Variants in RPN2 observed in about 807,000 individuals in gnomAD.
RPN2 encodes dolichyl-diphosphooligosaccharide--protein glycosyltransferase subunit 2.
A neutral mutation model predicts 71.4 loss-of-function variants in RPN2; 29 were observed. The observed-to-expected ratio is 0.41, with a 90% confidence interval of 0.30 to 0.55. The LOEUF (loss-of-function observed/expected upper bound fraction) is 0.55, where lower values mean the gene tolerates loss of function less well. Among genes scored for constraint, RPN2 ranks in the 20% least tolerant of loss-of-function variants. RPN2 has a pLI of 0.35. For missense variants in RPN2, 726 were observed against 774.1 expected, an observed-to-expected ratio of 0.94 and a Z score of 0.74; for synonymous variants, 308 against 305.0, an observed-to-expected ratio of 1.01 and a Z score of -0.10.
At chr20:37,190,721 A>G (rs1048654145) in intron 2 of RPN2, among the ~76,000 whole-genome samples, 22 of 152,342 alleles carry the variant, frequency 1.4e-4, no homozygotes, top group African/African-American at 5.1e-4. Flanking sequence ...CTTTAGCTCA[A>G]TCAAAATGGG....
intron 5 of RPN2, among the ~76,000 whole-genome samples, chr20:37,204,265 A>T (rs1219736965): frequency 6.6e-6 from 1 of 152,194 alleles, no homozygotes; most frequent in Non-Finnish European, 1.5e-5. Context: ...AGCAGTCCTG[A>T]TGGTGTTCTC....
intron 1 of RPN2, 53 bp from the exon 2 acceptor site, chr20:37,184,127 G>A (rs1375501366): frequency 6.2e-7 from 1 of 1,601,456 alleles, no homozygotes; most frequent in African/African-American, 1.3e-5. Flanking sequence ...TTGGGACTGT[G>A]TATAGCACCT....
rs1009177722 is a variant in RPN2 at position 37,239,676 on chromosome 20, T to A, written c.1884-1627T>A. Among the ~76,000 whole-genome samples, 27 of 152,282 alleles carry A rather than the reference T, an allele frequency of 1.8e-4. 1 individual carries two copies. In the East Asian group the frequency reaches 5.2e-3, roughly 29 times the overall value. On this transcript the variant is annotated intron_variant, in intron 16 of 16. Coordinates refer to ENST00000237530, the MANE Select transcript of RPN2 (RefSeq NM_002951.5). ...CCTTTTTAGTGTACAATTCTGTGAATCCTGAAAAACCTCTGTAGTCATGTA... is the reference window on the plus strand; with the variant it reads ...CCTTTTTAGTGTACAATTCTGTGAAACCTGAAAAACCTCTGTAGTCATGTA...
chr20:37,191,658 C>CTT (rs780662238), intron 2 of RPN2, among the ~76,000 whole-genome samples: 3,166 of 144,766 alleles, frequency 0.022, 50 homozygotes, highest in Middle Eastern at 0.035. Context: ...GTCCCAGCTA[C>CTT]TTTTTTTTTT....
chr20:37,195,977 T>C (rs962173480), intron 2 of RPN2, among the ~76,000 whole-genome samples: 6 of 152,116 alleles, frequency 3.9e-5, no homozygotes, highest in Admixed American at 6.5e-5. Flanking sequence ...CAGTAAAACA[T>C]TGGACAATAC....
At chr20:37,199,338 C>A in intron 4 of RPN2, 113 bp downstream of exon 4, 1 of 1,324,560 alleles carries the variant, frequency 7.5e-7, no homozygotes, top group East Asian at 2.5e-5. Context: ...GCAGTAAATA[C>A]TTCCGTGTGC....
In RPN2 at chr20:37,207,408, G is replaced by C. The variant is rs2067541378; in HGVS notation, c.826G>C (p.Glu276Gln). 1 of 1,614,104 alleles carries C rather than the reference G, an allele frequency of 6.2e-7. No individual in the cohort carries two copies. The highest frequency in any genetic ancestry group is 8.5e-7 in the Non-Finnish European group (1 of 1,180,044). ...CCACGTGCCAGTTGTGGTTGTGCCT[G>C]AGGGCTCTGCTTCCGACACTCATGA... Reference protein sequence around the residue: ...RYHVPVVVVPEGSASDTHEQA... With the variant: ...RYHVPVVVVPQGSASDTHEQA... Residue 276 changes from glutamate (E) to glutamine (Q), a missense_variant, in exon 7 of 17, where the codon GAG (glutamate) becomes CAG (glutamine). Transcript: ENST00000237530.
chr20:37,200,795 G>A (rs1210458987), intron 4 of RPN2, among the ~76,000 whole-genome samples: 1 of 152,052 alleles, frequency 6.6e-6, no homozygotes, highest in African/African-American at 2.4e-5. Flanking sequence ...CCCTCATGGG[G>A]AATGCTTCTC....
At chr20:37,198,907 C>A in intron 3 of RPN2, 143 bp from the exon 4 acceptor site, 1 of 753,604 alleles carries the variant, frequency 1.3e-6, no homozygotes, top group Non-Finnish European at 2.3e-6. Flanking sequence ...AACATTTCAT[C>A]CTGGTGTCTG....
chr20:37,230,139 A>C, intron 13 of RPN2, 80 bp downstream of exon 13: 1 of 1,094,358 alleles, frequency 9.1e-7, no homozygotes, highest in Admixed American at 1.7e-5. Flanking sequence ...TGCTCCCTTT[A>C]ACTTGTTTTG....
At chr20:37,223,201 C>G (rs2068000673) in intron 9 of RPN2, among the ~76,000 whole-genome samples, 1 of 152,212 alleles carries the variant, frequency 6.6e-6, no homozygotes, top group African/African-American at 2.4e-5. Context: ...CCACACTTGA[C>G]TCCATGGGGG....
In RPN2 at chr20:37,223,923, C is replaced by T; in HGVS notation, c.1138C>T (p.Leu380Phe). The change falls in exon 10 of 17, where the codon CTT becomes TTT. Residue 380 changes from leucine (L) to phenylalanine (F), a missense_variant. By Grantham distance (22) the Leu-to-Phe change is conservative. Transcript: ENST00000237530. ...STEVGITNVD[L>F]STVDKDQSIA... The stretch of plus-strand genomic sequence containing the variant: ...TGAAGTTGGCATCACAAATGTTGAT[C>T]TTTCCACCGTGGATAAGGATCAGAG... The T allele has an allele frequency of 1.9e-6, 3 of 1,614,154 alleles. No homozygotes were observed. Among genetic ancestry groups the T allele is most frequent in the Non-Finnish European group, 2.5e-6 (3 of 1,180,008 alleles).
intron 2 of RPN2, among the ~76,000 whole-genome samples, chr20:37,188,483 G>A (rs946579832): frequency 2.6e-5 from 4 of 152,074 alleles, no homozygotes; most frequent in Admixed American, 2.6e-4. Context: ...TTCTTTCAAG[G>A]ATCCCAGCCT....
intron 12 of RPN2, 122 bp downstream of exon 12, chr20:37,228,866 TGGGA>T: frequency 1.1e-6 from 1 of 908,280 alleles, no homozygotes; most frequent in South Asian, 1.4e-5. Flanking sequence ...TAAATAAGCT[TGGGA>T]GGTGAGGCAC....
At chr20:37,218,062 T>C (rs1436846567) in intron 9 of RPN2, among the ~76,000 whole-genome samples, 1 of 152,152 alleles carries the variant, frequency 6.6e-6, no homozygotes, top group Non-Finnish European at 1.5e-5. Context: ...ATTTATTGAT[T>C]TAATAACAGC....
chr20:37,225,703 C>T lies in RPN2; in HGVS notation c.1200C>T (p.Ala400=), dbSNP rs1460652769. ...APKTTRVTYP[A]KAKGTFIADS... ...CCTCTTTCAGGGTGACATACCCAGC[C>T]AAAGCCAAGGGCACATTCATCGCAG... is the stretch of plus-strand genomic sequence containing the variant. The change falls in exon 11 of 17, where the codon GCC becomes GCT. Residue 400 remains alanine, a synonymous_variant. Coordinates refer to ENST00000237530, the MANE Select transcript of RPN2 (RefSeq NM_002951.5). The T allele has an allele frequency of 7.4e-6, 12 of 1,613,942 alleles. No homozygotes were observed. The highest frequency in any genetic ancestry group is 1.0e-5 in the Non-Finnish European group (12 of 1,179,834).
rs1600775692 is a variant in RPN2, at chr20:37,203,476, G to A, written c.480-409G>A. On this transcript the variant is annotated intron_variant, in intron 4 of 16. Transcript: ENST00000237530. ...GGGCCTCAGCCTCCCAAGTAGTTGGGACTACAAGCACACGCTACCATACCT... is the reference window on the plus strand; with the variant it reads ...GGGCCTCAGCCTCCCAAGTAGTTGGAACTACAAGCACACGCTACCATACCT... Among the ~76,000 whole-genome samples, 7 of 151,848 alleles carry A rather than the reference G, an allele frequency of 4.6e-5. 1 individual carries two copies. In the South Asian group the frequency reaches 1.5e-3, roughly 32 times the overall value.
At chr20:37,229,001 AT>A (rs1760219767) in intron 12 of RPN2, among the ~76,000 whole-genome samples, 1 of 152,128 alleles carries the variant, frequency 6.6e-6, no homozygotes, top group Non-Finnish European at 1.5e-5. Flanking sequence ...GTATCTGTGA[AT>A]TTCTATAAAC....
At position 37,198,439 on chromosome 20, in the gene RPN2, G is replaced by A. The variant is rs775643034; in HGVS notation, c.250G>A (p.Val84Met). The A allele has an allele frequency of 1.2e-6, 2 of 1,614,226 alleles. No individual in the cohort carries two copies. The highest frequency in any genetic ancestry group is 1.1e-5 in the South Asian group (1 of 91,090). The change falls in exon 3 of 17, where the codon GTG becomes ATG. Residue 84 changes from valine (V) to methionine (M), a missense_variant. Physicochemically the swap from Val to Met is conservative, Grantham distance 21. Coordinates refer to ENST00000237530, the MANE Select transcript of RPN2 (RefSeq NM_002951.5). ...CAGATCTAACCTTGATCCCAGCAAT[G>A]TGGATTCCCTCTTCTACGCTGCCCA... is the stretch of plus-strand genomic sequence containing the variant. Reference protein sequence around the residue: ...YIRSNLDPSNVDSLFYAAQAS... With the variant: ...YIRSNLDPSNMDSLFYAAQAS...
Sources: gnomAD v4.1 joint callset for allele counts (sites outside exome capture counted in the v4.1 genomes callset) on GRCh38, gnomAD v4.1.1 for gene constraint, MANE v1.5 for transcripts, NCBI Gene and HGNC (gene_info 2026-07-23, HGNC 2026-07-21) for gene names.